Variants in DLG1 observed in about 807,000 individuals in gnomAD.
DLG1 encodes the protein discs large MAGUK scaffold protein 1.
DLG1 carries 42 observed loss-of-function variants against 123.4 expected under a neutral mutation model. The ratio of observed to expected loss-of-function variants is 0.34; its 90% confidence interval spans 0.27 to 0.44. The LOEUF (loss-of-function observed/expected upper bound fraction) is 0.44. DLG1 is among the 20% of genes least tolerant of loss of function. The probability of loss-of-function intolerance (pLI) is 1.00; values close to 1 mark genes in which losing one functional copy is unlikely to be tolerated. For synonymous variants in DLG1, 317 were observed against 356.2 expected (o/e 0.89, Z 1.24); for missense variants, 942 against 1,082.6 (o/e 0.87, Z 1.82).
rs574735093 is a variant in DLG1 at position 197,194,453 on chromosome 3, A to G, written c.455T>C (p.Val152Ala). The change falls in exon 5 of 25, where the codon GTT becomes GCT. Residue 152 changes from valine (V) to alanine (A), a missense_variant. Transcript: ENST00000667157. Reference sequence around the variant, plus strand: ...TATTGGTGAAATATGAGAATGAGAAACAAATCCATGGACATTCTCAATCTC... The same window carrying G: ...TATTGGTGAAATATGAGAATGAGAAGCAAATCCATGGACATTCTCAATCTC... ...LSEIENVHGFVSHSHISPIKA... is the reference protein window; with the variant it reads ...LSEIENVHGFASHSHISPIKA... 8.8e-6 allele frequency: 14 copies of G among 1,596,648 alleles called. No homozygotes were observed. The South Asian group carries it at 9.1e-5, about 10-fold the overall frequency.
At chr3:197,249,366 T>C (rs575242873) in intron 4 of DLG1, among the ~76,000 whole-genome samples, 31 of 152,084 alleles carry the variant, frequency 2.0e-4, no homozygotes, top group Admixed American at 7.2e-4. Context: ...AAAACCTCAA[T>C]AAGCTGATAA....
intron 23 of DLG1, among the ~76,000 whole-genome samples, chr3:197,059,558 A>G (rs1734320799): frequency 6.6e-6 from 1 of 150,810 alleles, no homozygotes; most frequent in Non-Finnish European, 1.5e-5. Flanking sequence ...TGTCCCCTGA[A>G]AGTATTAGGT....
intron 11 of DLG1, among the ~76,000 whole-genome samples, chr3:197,123,752 T>G (rs1177951530): frequency 6.6e-6 from 1 of 152,174 alleles, no homozygotes; most frequent in Non-Finnish European, 1.5e-5. Flanking sequence ...TGACTGCTTA[T>G]GTCTGACAAG....
At chr3:197,164,552 G>A (rs923533319) in intron 5 of DLG1, among the ~76,000 whole-genome samples, 17 of 152,088 alleles carry the variant, frequency 1.1e-4, no homozygotes, top group African/African-American at 3.1e-4. Context: ...TTGGTAAATC[G>A]TGGAATATTT....
intron 4 of DLG1, among the ~76,000 whole-genome samples, chr3:197,258,953 G>T (rs1488778111): frequency 2.6e-5 from 4 of 152,016 alleles, no homozygotes; most frequent in African/African-American, 9.7e-5. Context: ...TTAGGATAAT[G>T]ATTACATCTA....
chr3:197,078,393 T>C (rs1268678501), intron 17 of DLG1: 2 of 152,046 alleles, frequency 1.3e-5, no homozygotes, highest in African/African-American at 2.4e-5. Flanking sequence ...AAGACTTATT[T>C]TGATAAAGAT....
chr3:197,117,774 T>G (rs1774109085), intron 12 of DLG1, among the ~76,000 whole-genome samples: 1 of 152,190 alleles, frequency 6.6e-6, no homozygotes, highest in South Asian at 2.1e-4. Context: ...TGAATGCAAT[T>G]AACACTACTG....
chr3:197,174,781 C>A (rs189830390), intron 5 of DLG1, among the ~76,000 whole-genome samples: 1 of 152,102 alleles, frequency 6.6e-6, no homozygotes, highest in Non-Finnish European at 1.5e-5. Context: ...TGCTCTTGAA[C>A]GTGGCTGTTA....
At chr3:197,220,233 A>G (rs2150495597) in intron 4 of DLG1, among the ~76,000 whole-genome samples, 1 of 152,364 alleles carries the variant, frequency 6.6e-6, no homozygotes, top group East Asian at 1.9e-4. Context: ...TTAGAAAGAC[A>G]CATACCCTAT....
In DLG1 at chr3:197,135,916, ATCT is replaced by A. The variant is rs369632770; in HGVS notation, c.1020+623_1020+625del. 6.0e-4 allele frequency among the ~76,000 whole-genome samples: 91 copies of A among 151,936 alleles called. 1 individual carries two copies. Among genetic ancestry groups the A allele is most frequent in the African/African-American group, 2.1e-3 (86 of 41,430 alleles). On this transcript the variant is annotated intron_variant, in intron 10 of 24. Coordinates refer to ENST00000667157, the MANE Select transcript of DLG1 (RefSeq NM_001366207.1). ...AACCTCAACCTCCTGGGCTCAGGTG[ATCT>A]TCTCACCTCAGCCTCCCAAGGAGCT...
Position 197,138,365 on chromosome 3 carries a change from T to C in DLG1, c.740A>G (p.Asn247Ser). The stretch of plus-strand genomic sequence containing the variant: ...TGTTACATCACGAACATCTACTTCA[T>C]TTACTCGTAATATACAGTCATTGAC... ...LRVNDCILRV[N>S]EVDVRDVTHS... The change falls in exon 9 of 25, where the codon AAT becomes AGT. Residue 247 changes from asparagine to serine, a missense_variant. Transcript: ENST00000667157. 6.5e-7 allele frequency: 1 copy of C among 1,549,170 alleles called. No homozygotes were observed. The highest frequency in any genetic ancestry group is 8.8e-7 in the Non-Finnish European group (1 of 1,140,906).
rs530459114 is a variant in DLG1 at position 197,055,299 on chromosome 3, T to C, written c.2484-3631A>G. Among the ~76,000 whole-genome samples, 51 of 152,326 alleles carry C rather than the reference T, an allele frequency of 3.3e-4. No homozygotes were observed. The South Asian group carries it at 7.5e-3, about 22-fold the overall frequency. The stretch of plus-strand genomic sequence containing the variant: ...CATGTCTTTTAGCTCATTTAGTATC[T>C]TGTTTTACAGTCTTTATTAAGTCTA... On this transcript the variant is annotated intron_variant, in intron 23 of 24. Transcript: ENST00000667157.
chr3:197,147,311 G>A (rs1405855045), intron 6 of DLG1, among the ~76,000 whole-genome samples: 1 of 152,074 alleles, frequency 6.6e-6, no homozygotes, highest in African/African-American at 2.4e-5. Flanking sequence ...AGGAAAATAA[G>A]TCATTATATG....
At chr3:197,118,811 T>A (rs1305620299) in intron 12 of DLG1, among the ~76,000 whole-genome samples, 3 of 152,186 alleles carry the variant, frequency 2.0e-5, no homozygotes, top group Non-Finnish European at 4.4e-5. Context: ...AAATTTTGTG[T>A]GTCAGAATAT....
intron 4 of DLG1, among the ~76,000 whole-genome samples, chr3:197,219,258 T>C (rs557035644): frequency 2.6e-5 from 4 of 152,282 alleles, no homozygotes; most frequent in South Asian, 2.1e-4. Context: ...CAAATAGGCA[T>C]AGGGTGGCCA....
At chr3:197,221,174 T>G (rs189044944) in intron 4 of DLG1, among the ~76,000 whole-genome samples, 154 of 152,322 alleles carry the variant, frequency 1.0e-3, no homozygotes, top group African/African-American at 3.4e-3. Flanking sequence ...TCTTTTGCAA[T>G]ATTTACTTTT....
chr3:197,119,329 T>G, intron 12 of DLG1, 81 bp downstream of exon 12: 1 of 1,254,434 alleles, frequency 8.0e-7, no homozygotes, highest in Non-Finnish European at 1.1e-6. Context: ...GTCCTAAAAA[T>G]TGTGGCTATC....
intron 22 of DLG1, 94 bp from the exon 23 acceptor site, chr3:197,060,092 T>C (rs765640705): frequency 2.2e-5 from 18 of 825,274 alleles, no homozygotes; most frequent in Non-Finnish European, 2.1e-5. Context: ...GTCTAAATCA[T>C]GATCTGTTTC....
rs1009257476 is a variant in DLG1 at position 197,131,797 on chromosome 3, T to G, written c.1021-1126A>C. Reference sequence around the variant, plus strand: ...TTTAGTAGAGACGGGGTTTCACCGTTTTAGCCGGGATGGTCTCGATCTCCT... The same window carrying G: ...TTTAGTAGAGACGGGGTTTCACCGTGTTAGCCGGGATGGTCTCGATCTCCT... On this transcript the variant is annotated intron_variant, in intron 10 of 24. Transcript: ENST00000667157. Among the ~76,000 whole-genome samples, 9 of 151,244 alleles carry G rather than the reference T, an allele frequency of 6.0e-5. No individual in the cohort carries two copies. In the South Asian group the frequency reaches 1.0e-3, roughly 18 times the overall value.
Sources: gnomAD v4.1 joint callset for allele counts (sites outside exome capture counted in the v4.1 genomes callset) on GRCh38, gnomAD v4.1.1 for gene constraint, MANE v1.5 for transcripts, NCBI Gene and HGNC (gene_info 2026-07-23, HGNC 2026-07-21) for gene names.